The following DNM3 variants were observed in gnomAD, a reference collection of about 807,000 sequenced individuals.
DNM3 encodes dynamin 3, also known as dynamin-3.
Under a neutral mutation model 101.6 loss-of-function variants are expected in DNM3, and 47 were observed. That is an observed-to-expected ratio of 0.46 (90% CI 0.37 to 0.59). The LOEUF is 0.59. Among genes scored for constraint, DNM3 ranks in the 20% least tolerant of loss-of-function variants. The pLI is 0.00. For synonymous variants in DNM3, 385 were observed against 387.9 expected, an observed-to-expected ratio of 0.99 and a Z score of 0.09; for missense variants, 849 against 1,085.7, an observed-to-expected ratio of 0.78 and a Z score of 3.06.
chr1:171,869,442 TC>T (rs1187306855), intron 1 of DNM3, among the ~76,000 whole-genome samples: 7 of 152,218 alleles, frequency 4.6e-5, no homozygotes, highest in Non-Finnish European at 1.0e-4. Flanking sequence ...CAGCATTTCC[TC>T]ATAAGGAAAG....
chr1:172,197,699 G>A (rs919684961), intron 14 of DNM3, among the ~76,000 whole-genome samples: 2 of 151,880 alleles, frequency 1.3e-5, no homozygotes, highest in Non-Finnish European at 2.9e-5. Context: ...TTTCTGATTT[G>A]ACTCTTGTTT....
intron 14 of DNM3, chr1:172,133,474 T>A: frequency 1.0e-6 from 1 of 958,840 alleles, no homozygotes; most frequent in Non-Finnish European, 1.2e-6. Context: ...CAGGTGAGAG[T>A]GGAAATGACC....
At chr1:172,258,655 T>TA (rs2062519129) in intron 15 of DNM3, among the ~76,000 whole-genome samples, 1 of 152,074 alleles carries the variant, frequency 6.6e-6, no homozygotes, top group Non-Finnish European at 1.5e-5. Flanking sequence ...TGATTAGTCT[T>TA]ACGATTGTCT....
chr1:172,410,547 G>C lies in DNM3; in HGVS notation c.*2706G>C, dbSNP rs45487995. 3.1e-3 allele frequency: 3,067 copies of C among 983,824 alleles called. 7 individuals are homozygous for C. Among genetic ancestry groups the C allele is most frequent in the Non-Finnish European group, 3.5e-3 (2,899 of 828,548 alleles). 60.9% of individuals were successfully genotyped at this position (983,824 alleles called of 1,614,324 possible). The stretch of plus-strand genomic sequence containing the variant: ...ATATTGCATGCATATTGACTAATTG[G>C]AATAACCATTTACTCAATTATGGAC... On this transcript the variant is annotated 3_prime_UTR_variant, in exon 21 of 21. Coordinates refer to ENST00000627582, the MANE Select transcript of DNM3 (RefSeq NM_015569.5).
chr1:171,891,655 A>G (rs1293345952), intron 1 of DNM3, among the ~76,000 whole-genome samples: 1 of 152,100 alleles, frequency 6.6e-6, no homozygotes, highest in Non-Finnish European at 1.5e-5. Context: ...AGGAGTACTC[A>G]TTAGGTATTT....
intron 14 of DNM3, among the ~76,000 whole-genome samples, chr1:172,253,337 C>A (rs548200197): frequency 1.3e-5 from 2 of 152,216 alleles, no homozygotes; most frequent in African/African-American, 2.4e-5. Context: ...ATCACTGGGG[C>A]CTCCTATCTC....
intron 1 of DNM3, among the ~76,000 whole-genome samples, chr1:171,896,633 C>A (rs970055400): frequency 6.6e-6 from 1 of 152,094 alleles, no homozygotes; most frequent in Non-Finnish European, 1.5e-5. Context: ...AATTGAATAC[C>A]CTTTATTTCT....
At chr1:172,314,892 C>A (rs1259727740) in intron 16 of DNM3, among the ~76,000 whole-genome samples, 1 of 152,176 alleles carries the variant, frequency 6.6e-6, no homozygotes, top group Non-Finnish European at 1.5e-5. Context: ...AGCAGTGGTT[C>A]TCCCAGCACG....
At chr1:172,269,113 T>C (rs766068817) in intron 15 of DNM3, among the ~76,000 whole-genome samples, 28 of 152,200 alleles carry the variant, frequency 1.8e-4, no homozygotes, top group Non-Finnish European at 1.3e-4. Flanking sequence ...AAGCCATTAG[T>C]AGTGCCAGCA....
rs192723025 is a variant in DNM3 at position 171,993,386 on chromosome 1, A to G, written c.589+4238A>G. ...ACTTAAAGTTTTTTTCCTTTCATCA[A>G]TTTGAGTATGTCATCCCACTACCAT... On this transcript the variant is annotated intron_variant, in intron 4 of 20. Transcript: ENST00000627582. 1.3e-4 allele frequency among the ~76,000 whole-genome samples: 20 copies of G among 151,910 alleles called. 1 individual carries two copies. The South Asian group carries it at 2.1e-3, about 16-fold the overall frequency.
intron 18 of DNM3, among the ~76,000 whole-genome samples, chr1:172,385,532 T>C (rs2069134416): frequency 6.6e-6 from 1 of 152,268 alleles, no homozygotes; most frequent in Non-Finnish European, 1.5e-5. Flanking sequence ...GAATCACTCT[T>C]GGTTTACAAA....
At chr1:171,935,698 G>T (rs2041354883) in intron 2 of DNM3, among the ~76,000 whole-genome samples, 1 of 149,602 alleles carries the variant, frequency 6.7e-6, no homozygotes. Flanking sequence ...GTGACATCAT[G>T]ATGGTAGCTA....
At chr1:172,244,895 T>G (rs756431806) in intron 14 of DNM3, among the ~76,000 whole-genome samples, 14 of 152,192 alleles carry the variant, frequency 9.2e-5, no homozygotes, top group Non-Finnish European at 1.6e-4. Context: ...GCTATAAAGT[T>G]ATAACTTCTT....
At chr1:172,346,507 T>C (rs1415094689) in intron 17 of DNM3, among the ~76,000 whole-genome samples, 1 of 152,166 alleles carries the variant, frequency 6.6e-6, no homozygotes, top group Non-Finnish European at 1.5e-5. Context: ...GTAAGAGTGT[T>C]ATACTAGGAG....
At chr1:172,104,000 C>CA (rs914340900) in intron 13 of DNM3, among the ~76,000 whole-genome samples, 2 of 151,196 alleles carry the variant, frequency 1.3e-5, no homozygotes, top group African/African-American at 2.4e-5. Context: ...GACTCCGTCT[C>CA]AAAAAAAAAG....
intron 2 of DNM3, among the ~76,000 whole-genome samples, chr1:171,949,795 C>A (rs116615849): frequency 1.4e-3 from 210 of 152,188 alleles, no homozygotes; most frequent in African/African-American, 4.9e-3. Flanking sequence ...GACTAGGATG[C>A]GGAGGAACTG....
intron 1 of DNM3, among the ~76,000 whole-genome samples, chr1:171,910,317 T>C (rs1428237894): frequency 6.6e-6 from 1 of 152,250 alleles, no homozygotes; most frequent in Non-Finnish European, 1.5e-5. Context: ...ACACAATTTA[T>C]GTTTTAAATT....
intron 15 of DNM3, among the ~76,000 whole-genome samples, chr1:172,280,379 C>A (rs568860953): frequency 2.6e-5 from 4 of 152,208 alleles, no homozygotes; most frequent in East Asian, 1.9e-4. Flanking sequence ...AAAATTTAAT[C>A]TTTTTTAAAA....
In DNM3 at chr1:172,410,480, G is replaced by T. The variant is rs1256431228; in HGVS notation, c.*2639G>T. ...GGATTTGGGAAAATAAACTGTAAATGTTTATTTGATAGGTAAATATAGTTT... is the reference window on the plus strand; with the variant it reads ...GGATTTGGGAAAATAAACTGTAAATTTTTATTTGATAGGTAAATATAGTTT... On this transcript the variant is annotated 3_prime_UTR_variant, in exon 21 of 21. Transcript: ENST00000627582. 1.0e-6 allele frequency: 1 copy of T among 983,744 alleles called. No individual in the cohort carries two copies. Among genetic ancestry groups the T allele is most frequent in the Non-Finnish European group, 1.2e-6 (1 of 828,588 alleles). 60.9% of individuals were successfully genotyped at this position (983,744 alleles called of 1,614,324 possible).
Sources: allele counts gnomAD v4.1 joint callset (sites outside exome capture counted in the v4.1 genomes callset), GRCh38; gene constraint gnomAD v4.1.1; transcripts MANE v1.5; gene names NCBI Gene and HGNC (gene_info 2026-07-23, HGNC 2026-07-21).